Variants in SPAG16 observed in about 807,000 individuals in gnomAD.
SPAG16 encodes sperm-associated antigen 16 protein.
In SPAG16, 86 loss-of-function variants were observed where a neutral mutation model predicts 80.4. The ratio of observed to expected loss-of-function variants is 1.07; its 90% CI spans 0.90 to 1.28. The LOEUF (loss-of-function observed/expected upper bound fraction) is 1.28, where lower values mean the gene tolerates loss of function less well. Ranked by LOEUF, SPAG16 falls within the 50% of genes most tolerant of loss-of-function variation. The probability of loss-of-function intolerance (pLI) is 0.00; values close to 1 mark genes in which losing one functional copy is unlikely to be tolerated. For missense variants in SPAG16, 870 were observed against 765.3 expected, an observed-to-expected ratio of 1.14 and a Z score of -1.61; for synonymous variants, 294 against 265.9, an observed-to-expected ratio of 1.11 and a Z score of -1.03.
chr2:213,625,439 A>G (rs995878788), intron 10 of SPAG16, among the ~76,000 whole-genome samples: 3 of 152,066 alleles, frequency 2.0e-5, no homozygotes, highest in East Asian at 1.9e-4. Flanking sequence ...TATACCGACT[A>G]TGTACCCACA....
At chr2:213,979,445 C>G (rs1471220796) in intron 12 of SPAG16, among the ~76,000 whole-genome samples, 1 of 152,030 alleles carries the variant, frequency 6.6e-6, no homozygotes, top group Admixed American at 6.6e-5. Context: ...GTTTAATTGA[C>G]TCACAGTTCT....
rs189339763 is a variant in SPAG16 at position 214,352,229 on chromosome 2, T to C, written c.1721-57911T>C. ...ATCAGGAGAGACACCAAACAGAGTA[T>C]AGCAATGAGTTAGTACTTTTCAGTT... On this transcript the variant is annotated intron_variant, in intron 15 of 15. Transcript: ENST00000331683. 1.4e-4 allele frequency among the ~76,000 whole-genome samples: 22 copies of C among 152,304 alleles called. No homozygotes were observed. In the East Asian group the frequency reaches 2.1e-3, roughly 15 times the overall value.
intron 11 of SPAG16, among the ~76,000 whole-genome samples, chr2:213,915,588 T>G (rs1251822351): frequency 6.6e-6 from 1 of 152,200 alleles, no homozygotes; most frequent in African/African-American, 2.4e-5. Context: ...GCAATAAACA[T>G]ACATGTGCAT....
At position 213,375,150 on chromosome 2, in the gene SPAG16, C is replaced by A; in HGVS notation, c.942+31C>A. 3.5e-6 allele frequency: 5 copies of A among 1,414,898 alleles called. No homozygotes were observed. In the South Asian group the frequency reaches 6.2e-5, roughly 18 times the overall value. 87.6% of individuals were successfully genotyped at this position (1,414,898 alleles called of 1,614,324 possible). A position where few individuals can be genotyped will look rare whatever the true frequency, so the allele number is the denominator to read the frequency against. ...ATATTTGTTTTTGTTTGCATTAAGT[C>A]ATACTTAACTCTCAGATCTTTAGAT... On this transcript the variant is annotated intron_variant, in intron 9 of 15. Transcript: ENST00000331683.
At chr2:214,298,074 C>CTATA (rs34462560) in intron 15 of SPAG16, among the ~76,000 whole-genome samples, 2,779 of 136,836 alleles carry the variant, frequency 0.02, 37 homozygotes, top group South Asian at 0.044. Context: ...AGATGTATGC[C>CTATA]TATATATATA....
chr2:213,808,721 T>C (rs1412307118), intron 10 of SPAG16, among the ~76,000 whole-genome samples: 1 of 152,150 alleles, frequency 6.6e-6, no homozygotes, highest in East Asian at 1.9e-4. Context: ...AGAACTGAGG[T>C]ATCTTTCATG....
chr2:213,611,623 G>A (rs996970986), intron 10 of SPAG16, among the ~76,000 whole-genome samples: 1 of 152,036 alleles, frequency 6.6e-6, no homozygotes, highest in Non-Finnish European at 1.5e-5. Context: ...TCTATTTTTA[G>A]GAGATTTGCT....
chr2:213,903,075 T>G (rs1288428426), intron 11 of SPAG16, among the ~76,000 whole-genome samples: 2 of 152,154 alleles, frequency 1.3e-5, no homozygotes, highest in East Asian at 3.9e-4. Context: ...GGGTACAGCC[T>G]CCCTCCTGGC....
intron 10 of SPAG16, among the ~76,000 whole-genome samples, chr2:213,641,704 T>C (rs912224830): frequency 6.6e-6 from 1 of 152,240 alleles, no homozygotes; most frequent in Admixed American, 6.5e-5. Context: ...TAAATTATTC[T>C]CTTGTGATCC....
chr2:213,831,396 CA>C (rs2073648685), intron 10 of SPAG16, among the ~76,000 whole-genome samples: 1 of 140,428 alleles, frequency 7.1e-6, no homozygotes, highest in Non-Finnish European at 1.6e-5. Flanking sequence ...AAATGCTTTT[CA>C]ATTCATAATT....
In SPAG16 at chr2:213,862,511, T is replaced by A; in HGVS notation, c.1097T>A (p.Ile366Asn). The change falls in exon 11 of 16, where the codon ATC becomes AAC. Residue 366 changes from isoleucine (I) to asparagine (N), a missense_variant. Transcript: ENST00000331683. ...GTCTCCATGCAACCCCACAAAGACATCCTAGTCTCCTGTGGCGAGGACCGA... is the reference window on the plus strand; with the variant it reads ...GTCTCCATGCAACCCCACAAAGACAACCTAGTCTCCTGTGGCGAGGACCGA... ...SCVSMQPHKD[I>N]LVSCGEDRLW... 2 of 1,614,124 alleles carry A rather than the reference T, an allele frequency of 1.2e-6. No individual in the cohort carries two copies. Among genetic ancestry groups the A allele is most frequent in the East Asian group, 4.5e-5 (2 of 44,878 alleles).
intron 10 of SPAG16, among the ~76,000 whole-genome samples, chr2:213,629,454 A>G (rs1052020072): frequency 3.3e-5 from 5 of 152,252 alleles, no homozygotes; most frequent in Non-Finnish European, 5.9e-5. Flanking sequence ...AGAAAGACAC[A>G]AAATTGACTT....
intron 15 of SPAG16, among the ~76,000 whole-genome samples, chr2:214,169,123 G>T (rs1000118837): frequency 6.6e-6 from 1 of 151,956 alleles, no homozygotes; most frequent in Non-Finnish European, 1.5e-5. Context: ...GCCAAGAAAA[G>T]AACTTGTTAT....
chr2:213,651,854 T>G (rs1001037901), intron 10 of SPAG16, among the ~76,000 whole-genome samples: 1 of 152,196 alleles, frequency 6.6e-6, no homozygotes, highest in Non-Finnish European at 1.5e-5. Flanking sequence ...TGAGATCTAT[T>G]TCTTGTAAAT....
chr2:213,485,019 C>G lies in SPAG16; in HGVS notation c.943-4944C>G, dbSNP rs12464836. On this transcript the variant is annotated intron_variant, in intron 9 of 15. Coordinates refer to ENST00000331683, the MANE Select transcript of SPAG16 (RefSeq NM_024532.5). The stretch of plus-strand genomic sequence containing the variant: ...CTTTTCTTTTTTTTTTTTGAGACAG[C>G]GTCTCATTCTGTCCATTCAGGCTGG... Among the ~76,000 whole-genome samples, 344 of 150,580 alleles carry G rather than the reference C, an allele frequency of 2.3e-3. 10 individuals are homozygous for G. Among genetic ancestry groups the G allele is most frequent in the Admixed American group, 0.02 (306 of 15,154 alleles).
chr2:213,874,237 TG>T (rs1396435134), intron 11 of SPAG16, among the ~76,000 whole-genome samples: 1 of 152,160 alleles, frequency 6.6e-6, no homozygotes, highest in Non-Finnish European at 1.5e-5. Flanking sequence ...ATACTGAATT[TG>T]TTTTAAAATC....
intron 15 of SPAG16, among the ~76,000 whole-genome samples, chr2:214,382,929 C>G (rs1040555789): frequency 6.6e-6 from 1 of 152,072 alleles, no homozygotes; most frequent in Non-Finnish European, 1.5e-5. Flanking sequence ...TGTCACACAA[C>G]TGAGGCCATG....
At chr2:214,288,930 G>C (rs1279389648) in intron 15 of SPAG16, among the ~76,000 whole-genome samples, 1 of 151,946 alleles carries the variant, frequency 6.6e-6, no homozygotes. Flanking sequence ...CATCACGCCC[G>C]GCTAATATTT....
intron 10 of SPAG16, among the ~76,000 whole-genome samples, chr2:213,698,504 C>T (rs978213887): frequency 2.0e-5 from 3 of 152,132 alleles, no homozygotes; most frequent in Non-Finnish European, 2.9e-5. Context: ...TCAAGCAATC[C>T]GCCTTCCTCA....
Sources: gnomAD v4.1 joint callset for allele counts (sites outside exome capture counted in the v4.1 genomes callset) on GRCh38, gnomAD v4.1.1 for gene constraint, MANE v1.5 for transcripts, NCBI Gene and HGNC (gene_info 2026-07-23, HGNC 2026-07-21) for gene names.